Variants in ROR2 observed in about 807,000 individuals in gnomAD.
The protein encoded by ROR2 is ROR family WNT receptor 2.
In ROR2, 33 loss-of-function variants were observed where a neutral mutation model predicts 74.9. That is an observed-to-expected ratio of 0.44 (90% confidence interval 0.33 to 0.59). The LOEUF is 0.59. ROR2 is among the 20% of genes least tolerant of loss of function. ROR2 has a pLI of 0.02. For synonymous variants in ROR2, 586 were observed against 558.7 expected (o/e 1.05, Z -0.69); for missense variants, 1,216 against 1,313.8 (o/e 0.93, Z 1.15).
At chr9:91,798,460 C>T (rs1320725742) in intron 1 of ROR2, among the ~76,000 whole-genome samples, 1 of 111,352 alleles carries the variant, frequency 9.0e-6, no homozygotes, top group African/African-American at 4.0e-5. Context: ...GGGGCTGACA[C>T]CCTGGGCTCT....
intron 4 of ROR2, among the ~76,000 whole-genome samples, chr9:91,754,369 A>C (rs1825676654): frequency 6.6e-6 from 1 of 151,918 alleles, no homozygotes; most frequent in Non-Finnish European, 1.5e-5. Flanking sequence ...AAAATACATA[A>C]ATATAGGCCG....
intron 1 of ROR2, among the ~76,000 whole-genome samples, chr9:91,820,015 C>G (rs927345331): frequency 3.3e-5 from 5 of 152,052 alleles, no homozygotes; most frequent in African/African-American, 1.2e-4. Context: ...TGTGTGTGCA[C>G]ACCTGTCATA....
intron 2 of ROR2, 143 bp downstream of exon 2, chr9:91,775,598 T>C: frequency 1.3e-6 from 1 of 742,100 alleles, no homozygotes; most frequent in South Asian, 1.5e-5. Flanking sequence ...GGAATCAAGG[T>C]GGCATTCCAC....
chr9:91,840,751 C>T (rs968060132), intron 1 of ROR2, among the ~76,000 whole-genome samples: 2 of 152,248 alleles, frequency 1.3e-5, no homozygotes, highest in Non-Finnish European at 2.9e-5. Context: ...TCTCAACTGT[C>T]TCCCAGGCAG....
intron 1 of ROR2, among the ~76,000 whole-genome samples, chr9:91,777,875 A>G (rs1051428180): frequency 6.6e-5 from 10 of 152,214 alleles, no homozygotes; most frequent in African/African-American, 1.9e-4. Flanking sequence ...AAAGAAAAAA[A>G]AAGAAGAAAG....
chr9:91,879,419 TGTGGGTGTGTGGGTGTGGGGGG>T (rs1830043261), intron 1 of ROR2, among the ~76,000 whole-genome samples: 1 of 149,832 alleles, frequency 6.7e-6, no homozygotes, highest in African/African-American at 2.5e-5. Context: ...TGGGAGTGGG[TGTGGGTGTGTGGGTGTGGGGGG>T]GTGTGTGTGT....
intron 1 of ROR2, among the ~76,000 whole-genome samples, chr9:91,777,346 C>G (rs190003355): frequency 4.9e-4 from 75 of 152,022 alleles, no homozygotes; most frequent in African/African-American, 1.8e-3. Context: ...TACCACCTTT[C>G]CTCCAAAATA....
At chr9:91,779,948 T>A (rs771749563) in intron 1 of ROR2, among the ~76,000 whole-genome samples, 8 of 152,364 alleles carry the variant, frequency 5.3e-5, no homozygotes, top group Admixed American at 4.6e-4. Context: ...ACTTTATGAA[T>A]GTCTTGTATA....
intron 1 of ROR2, among the ~76,000 whole-genome samples, chr9:91,873,551 G>A (rs1829868122): frequency 6.6e-6 from 1 of 152,154 alleles, no homozygotes; most frequent in African/African-American, 2.4e-5. Context: ...TCGTGCCACT[G>A]CACTCCAGCC....
At chr9:91,852,997 G>A (rs1829156435) in intron 1 of ROR2, among the ~76,000 whole-genome samples, 1 of 152,256 alleles carries the variant, frequency 6.6e-6, no homozygotes, top group Non-Finnish European at 1.5e-5. Context: ...CAGAAAGGCT[G>A]GCGGAGCGCG....
At chr9:91,898,676 C>T (rs958026579) in intron 1 of ROR2, among the ~76,000 whole-genome samples, 1 of 152,160 alleles carries the variant, frequency 6.6e-6, no homozygotes, top group Non-Finnish European at 1.5e-5. Context: ...CAGAGATGCC[C>T]GTAAATCACC....
intron 1 of ROR2, among the ~76,000 whole-genome samples, chr9:91,941,624 G>A (rs1466483137): frequency 6.6e-6 from 1 of 152,164 alleles, no homozygotes; most frequent in Non-Finnish European, 1.5e-5. Flanking sequence ...ATCCACGACA[G>A]CATGTTTTTC....
chr9:91,868,057 C>T (rs949854619), intron 1 of ROR2, among the ~76,000 whole-genome samples: 3 of 152,222 alleles, frequency 2.0e-5, no homozygotes, highest in East Asian at 1.9e-4. Context: ...TAAGATGTCA[C>T]AGATGTTGGA....
chr9:91,747,205 C>T (rs537204415), intron 4 of ROR2, among the ~76,000 whole-genome samples: 2 of 152,320 alleles, frequency 1.3e-5, no homozygotes, highest in East Asian at 3.9e-4. Context: ...GTGGAGGCAC[C>T]GCCTTTTCTT....
chr9:91,948,600 C>T (rs1832074301), intron 1 of ROR2: 2 of 985,366 alleles, frequency 2.0e-6, no homozygotes, highest in Non-Finnish European at 1.2e-6. Flanking sequence ...CTTTCTGACT[C>T]GCGTACCTTG....
At chr9:91,745,426 ATTT>A (rs72432798) in intron 4 of ROR2, among the ~76,000 whole-genome samples, 2 of 99,738 alleles carry the variant, frequency 2.0e-5, no homozygotes, top group African/African-American at 4.2e-5. Context: ...TGCCCAGCCT[ATTT>A]TTTTTTTTTT....
intron 2 of ROR2, among the ~76,000 whole-genome samples, chr9:91,764,858 G>C (rs142904271): frequency 8.7e-4 from 133 of 152,284 alleles, no homozygotes; most frequent in African/African-American, 3.0e-3. Flanking sequence ...GTTGGGTATA[G>C]AATTTGAGGC....
At chr9:91,747,582 G>A (rs1053390275) in intron 4 of ROR2, among the ~76,000 whole-genome samples, 2 of 152,198 alleles carry the variant, frequency 1.3e-5, no homozygotes, top group African/African-American at 2.4e-5. Context: ...GAAAGAATGC[G>A]AACTGTTGTG....
At chr9:91,794,740 T>A (rs1476652216) in intron 1 of ROR2, among the ~76,000 whole-genome samples, 3 of 152,156 alleles carry the variant, frequency 2.0e-5, no homozygotes, top group Non-Finnish European at 4.4e-5. Flanking sequence ...TAGTTTAATT[T>A]TTCTAATAAA....
Sources: allele counts gnomAD v4.1 joint callset (sites outside exome capture counted in the v4.1 genomes callset), GRCh38; gene constraint gnomAD v4.1.1; transcripts MANE v1.5; gene names NCBI Gene and HGNC (gene_info 2026-07-23, HGNC 2026-07-21).